Variants in C17orf78 observed in about 807,000 individuals in gnomAD.
C17orf78 encodes the protein uncharacterized protein C17orf78.
Under a neutral mutation model 31.8 loss-of-function variants are expected in C17orf78, and 27 were observed. The ratio of observed to expected loss-of-function variants is 0.85; its 90% CI spans 0.63 to 1.17. The LOEUF is 1.17. Among genes scored for constraint, C17orf78 ranks in the 50% most tolerant of loss-of-function variants. C17orf78 has a pLI of 0.00. For synonymous variants in C17orf78, 106 were observed against 115.1 expected, an observed-to-expected ratio of 0.92 and a Z score of 0.51; for missense variants, 258 against 315.2, an observed-to-expected ratio of 0.82 and a Z score of 1.37.
At position 37,381,637 on chromosome 17, in the gene C17orf78, T is replaced by C. The variant is rs1037231475; in HGVS notation, c.391+2255T>C. ...GTCTCTTCCATAGTCTTTTTTTTTTTTTTTTTTTGAGACAGAGTCTCGCTC... is the reference window on the plus strand; with the variant it reads ...GTCTCTTCCATAGTCTTTTTTTTTTCTTTTTTTTGAGACAGAGTCTCGCTC... On this transcript the variant is annotated intron_variant, in intron 3 of 6. Transcript: ENST00000615133. 2.0e-5 allele frequency among the ~76,000 whole-genome samples: 3 copies of C among 149,324 alleles called. No homozygotes were observed. In the South Asian group the frequency reaches 6.4e-4, roughly 32 times the overall value.
chr17:37,379,124 C>T lies in C17orf78; in HGVS notation c.146-13C>T. ...ACCAGCTCCATTTTTCTATCTGGTT[C>T]TTCTCCTTCCAGAAACTCACACAGA... is the stretch of plus-strand genomic sequence containing the variant. On this transcript the variant is annotated splice_polypyrimidine_tract_variant and intron_variant, in intron 2 of 6. Transcript: ENST00000615133. The T allele has an allele frequency of 1.2e-6, 2 of 1,608,302 alleles. No homozygotes were observed. The highest frequency in any genetic ancestry group is 1.1e-5 in the South Asian group (1 of 90,068).
At chr17:37,382,244 G>A (rs998233569) in intron 3 of C17orf78, among the ~76,000 whole-genome samples, 1 of 151,992 alleles carries the variant, frequency 6.6e-6, no homozygotes, top group South Asian at 2.1e-4. Flanking sequence ...TATCCACACT[G>A]GGGGAGAATG....
rs761089241 is a variant in C17orf78, at chr17:37,386,031, A to G, written c.414A>G (p.Gln138=). Residue 138 remains glutamine (Q), a synonymous_variant, in exon 4 of 7, where the codon CAA becomes CAG. Coordinates refer to ENST00000615133, the MANE Select transcript of C17orf78 (RefSeq NM_173625.5). ...TAGCTTTTTTACCAGGGATCTCACA[A>G]TGTAAAGTCCTGGGGGCTTCATCAG... ...KGKAFLPGIS[Q]CKVLGASSET... is the part of the protein sequence containing the mutation. 3.1e-6 allele frequency: 5 copies of G among 1,598,656 alleles called. No individual in the cohort carries two copies. The highest frequency in any genetic ancestry group is 1.7e-5 in the Admixed American group (1 of 58,996).
rs775718932 is a variant in C17orf78, at chr17:37,378,084, T to C, written c.145+119T>C. 3 of 925,474 alleles carry C rather than the reference T, an allele frequency of 3.2e-6. No individual in the cohort carries two copies. The African/African-American group carries it at 5.0e-5, about 15-fold the overall frequency. 57.3% of individuals were successfully genotyped at this position (925,474 alleles called of 1,614,324 possible). Reference sequence around the variant, plus strand: ...TCTCAAATATCCTATTTTAAGGATATGTATCCTCCCAGGGGGCTTTCTGGA... The same window carrying C: ...TCTCAAATATCCTATTTTAAGGATACGTATCCTCCCAGGGGGCTTTCTGGA... On this transcript the variant is annotated intron_variant, in intron 2 of 6. Coordinates refer to ENST00000615133, the MANE Select transcript of C17orf78 (RefSeq NM_173625.5).
In C17orf78 at chr17:37,381,121, T is replaced by C. The variant is rs192367834; in HGVS notation, c.391+1739T>C. ...AAAACATAAATGGTAACATACCATA[T>C]ACACTGTTCTGCCCCTTGCTTTTGC... On this transcript the variant is annotated intron_variant, in intron 3 of 6. Transcript: ENST00000615133. Among the ~76,000 whole-genome samples the C allele has an allele frequency of 1.3e-3, 193 of 152,176 alleles. 2 individuals carry two copies. In the Middle Eastern group the frequency reaches 0.014, roughly 11 times the overall value.
chr17:37,388,540 T>C, intron 4 of C17orf78, 130 bp from the exon 5 acceptor site: 3 of 1,072,024 alleles, frequency 2.8e-6, no homozygotes, highest in Non-Finnish European at 4.0e-6. Context: ...TTGGAAATTC[T>C]GCCTCTGCCT....
At chr17:37,377,004 G>A (rs563581856) in intron 1 of C17orf78, among the ~76,000 whole-genome samples, 24 of 152,146 alleles carry the variant, frequency 1.6e-4, no homozygotes, top group Middle Eastern at 3.4e-3. Context: ...TCAGAATTAA[G>A]ACCAAATGGC....
chr17:37,377,840 C>A, intron 1 of C17orf78, 39 bp from the exon 2 acceptor site: 3 of 1,539,636 alleles, frequency 1.9e-6, no homozygotes, highest in Non-Finnish European at 2.7e-6. Flanking sequence ...TTCCCCAAAC[C>A]TTCCCCGGTT....
chr17:37,389,314 C>A lies in C17orf78; in HGVS notation c.702C>A (p.Gly234=). Residue 234 remains glycine (G), a synonymous_variant, in exon 6 of 7, where the codon GGC becomes GGA. Coordinates refer to ENST00000615133, the MANE Select transcript of C17orf78 (RefSeq NM_173625.5). ...TGTGGAGATGGCAAAAGAAGGGAGG[C>A]CAGCCACCTGGGACAGCTGAATCCA... ...QWLWRWQKKG[G]QPPGTAESKP... The A allele has an allele frequency of 6.3e-7, 1 of 1,597,716 alleles. No individual in the cohort carries two copies. The highest frequency in any genetic ancestry group is 8.5e-7 in the Non-Finnish European group (1 of 1,172,384).
At chr17:37,389,514 A>G (rs1252750070) in intron 6 of C17orf78, 152 bp downstream of exon 6, 1 of 766,872 alleles carries the variant, frequency 1.3e-6, no homozygotes, top group Non-Finnish European at 1.6e-6. Flanking sequence ...CAACATGACG[A>G]AACCCTGTCT....
At chr17:37,381,425 T>C (rs2139297) in intron 3 of C17orf78, among the ~76,000 whole-genome samples, 2 of 151,508 alleles carry the variant, frequency 1.3e-5, no homozygotes, top group African/African-American at 2.4e-5. Context: ...ACTTCAAGTG[T>C]TTCACCCACC....
intron 3 of C17orf78, among the ~76,000 whole-genome samples, chr17:37,381,871 C>CAT (rs1454053104): frequency 3.3e-5 from 5 of 152,078 alleles, no homozygotes; most frequent in Non-Finnish European, 7.3e-5. Context: ...TTGTGATCTG[C>CAT]CCGCCTTGGC....
chr17:37,390,778 G>A (rs2050847882), intron 6 of C17orf78, among the ~76,000 whole-genome samples: 1 of 150,750 alleles, frequency 6.6e-6, no homozygotes, highest in East Asian at 2.0e-4. Context: ...GGGAAAAAGG[G>A]TGAGACCCTG....
At chr17:37,376,573 G>A (rs951018955) in intron 1 of C17orf78, among the ~76,000 whole-genome samples, 2 of 152,124 alleles carry the variant, frequency 1.3e-5, no homozygotes, top group Non-Finnish European at 2.9e-5. Context: ...GGGTGATATT[G>A]GGTGGAATGG....
intron 3 of C17orf78, among the ~76,000 whole-genome samples, chr17:37,379,878 G>T (rs1392044628): frequency 6.8e-6 from 1 of 147,348 alleles, no homozygotes; most frequent in Non-Finnish European, 1.5e-5. Flanking sequence ...GATTCCTCAG[G>T]GATCTAGAAC....
intron 5 of C17orf78, 85 bp downstream of exon 5, chr17:37,388,879 A>G: frequency 6.6e-7 from 1 of 1,511,900 alleles, no homozygotes; most frequent in Non-Finnish European, 9.0e-7. Flanking sequence ...TAAGGAGAAA[A>G]GCATAGACTT....
At chr17:37,380,587 A>T (rs829153) in intron 3 of C17orf78, among the ~76,000 whole-genome samples, 2,765 of 151,952 alleles carry the variant, frequency 0.018, 79 homozygotes, top group African/African-American at 0.063. Context: ...ACAGTTTTTT[A>T]AAATTTCTTT....
At chr17:37,378,864 C>G in intron 2 of C17orf78, among the ~76,000 whole-genome samples, 1 of 152,002 alleles carries the variant, frequency 6.6e-6, no homozygotes, top group East Asian at 1.9e-4. Flanking sequence ...GAGTTCGAGA[C>G]CAGCTTGGGC....
chr17:37,389,504 C>A, intron 6 of C17orf78, 142 bp downstream of exon 6: 2 of 1,224,182 alleles, frequency 1.6e-6, no homozygotes, highest in Non-Finnish European at 2.2e-6. Context: ...CCAGCCTGAC[C>A]AACATGACGA....
Sources: allele counts gnomAD v4.1 joint callset (sites outside exome capture counted in the v4.1 genomes callset), GRCh38; gene constraint gnomAD v4.1.1; transcripts MANE v1.5; gene names NCBI Gene and HGNC (gene_info 2026-07-23, HGNC 2026-07-21).